The following HPGD variants were observed in gnomAD, a reference collection of about 807,000 sequenced individuals.
HPGD encodes 15-hydroxyprostaglandin dehydrogenase [NAD(+)].
A neutral mutation model predicts 30.0 loss-of-function variants in HPGD; 29 were observed. That is an observed-to-expected ratio of 0.97 (90% CI 0.72 to 1.32). The LOEUF is 1.32. Ranked by LOEUF, HPGD falls within the 40% of genes most tolerant of loss-of-function variation. HPGD has a pLI of 0.00. For missense variants in HPGD, 340 were observed against 322.1 expected, an observed-to-expected ratio of 1.06 and a Z score of -0.43; for synonymous variants, 99 against 112.4, an observed-to-expected ratio of 0.88 and a Z score of 0.75.
At position 174,492,423 on chromosome 4, in the gene HPGD, G is replaced by A. The variant is rs544792257; in HGVS notation, c.663-329C>T. ...AAATGATCATTTTCTCATCTTTATCGTATCAGTAGATCTTAGACTTACCAG... is the reference window on the plus strand; with the variant it reads ...AAATGATCATTTTCTCATCTTTATCATATCAGTAGATCTTAGACTTACCAG... On this transcript the variant is annotated intron_variant, in intron 6 of 6. Coordinates refer to ENST00000296522, the MANE Select transcript of HPGD (RefSeq NM_000860.6). The surrounding 1 kb of genome is among the most constrained non-coding windows in gnomAD (Gnocchi z 4.9). 8.6e-5 allele frequency among the ~76,000 whole-genome samples: 13 copies of A among 151,704 alleles called. No homozygotes were observed. Among genetic ancestry groups the A allele is most frequent in the South Asian group, 4.2e-4 (2 of 4,810 alleles).
chr4:174,491,308 T>A lies in HPGD; in HGVS notation c.*648A>T, dbSNP rs530374639. On this transcript the variant is annotated 3_prime_UTR_variant, in exon 7 of 7. Coordinates refer to ENST00000296522, the MANE Select transcript of HPGD (RefSeq NM_000860.6). ...TTAAAGTGAGCAGAGGAAAGAAATGTCTTTCCCAGATAGGAGGCTGAACTG... is the reference window on the plus strand; with the variant it reads ...TTAAAGTGAGCAGAGGAAAGAAATGACTTTCCCAGATAGGAGGCTGAACTG... 2.6e-3 allele frequency: 399 copies of A among 152,864 alleles called. 2 individuals are homozygous for A. Among genetic ancestry groups the A allele is most frequent in the Middle Eastern group, 6.8e-3 (2 of 296 alleles). The allele number at this position is 152,864 out of a possible 1,614,324, so 9.5% of individuals were successfully genotyped here.
intron 4 of HPGD, among the ~76,000 whole-genome samples, chr4:174,504,671 GA>G (rs2110816731): frequency 6.6e-6 from 1 of 150,678 alleles, no homozygotes; most frequent in East Asian, 1.9e-4. Flanking sequence ...AAAAAAGCCA[GA>G]CGTGGTGGTG....
chr4:174,511,371 T>A (rs45514098), intron 3 of HPGD, among the ~76,000 whole-genome samples: 9 of 152,176 alleles, frequency 5.9e-5, no homozygotes, highest in Non-Finnish European at 5.9e-5. Flanking sequence ...AGGTCTAATT[T>A]TTAACTCATG....
intron 4 of HPGD, among the ~76,000 whole-genome samples, chr4:174,499,209 T>G (rs1287801879): frequency 6.6e-6 from 1 of 152,152 alleles, no homozygotes; most frequent in Non-Finnish European, 1.5e-5. Context: ...AGGTAGTTGG[T>G]GTAAACTGTG....
intron 4 of HPGD, among the ~76,000 whole-genome samples, chr4:174,506,462 A>G (rs1735196295): frequency 6.6e-6 from 1 of 152,236 alleles, no homozygotes; most frequent in Non-Finnish European, 1.5e-5. Context: ...AGATAGATAA[A>G]TAATCTAGTG....
At chr4:174,500,472 A>C (rs925829904) in intron 4 of HPGD, among the ~76,000 whole-genome samples, 1 of 152,248 alleles carries the variant, frequency 6.6e-6, no homozygotes, top group Non-Finnish European at 1.5e-5. Flanking sequence ...AGCTTTATTA[A>C]TTGCCAAAAC....
In HPGD at chr4:174,522,387, G is replaced by T; in HGVS notation, c.65C>A (p.Ala22Glu). 6.3e-7 allele frequency: 1 copy of T among 1,577,046 alleles called. No individual in the cohort carries two copies. The highest frequency in any genetic ancestry group is 8.6e-7 in the Non-Finnish European group (1 of 1,161,788). The change falls in exon 1 of 7, where the codon GCA becomes GAA. Residue 22 changes from alanine to glutamate, a missense_variant. Transcript: ENST00000296522. ...GAAQGIGRAFAEALLLKGAKV... is the reference protein window; with the variant it reads ...GAAQGIGRAFEEALLLKGAKV... ...GGCGCCCTTAAGCAGCAGCGCCTCT[G>T]CAAAGGCTCTGCCTATGCCCTGAGC...
In HPGD at chr4:174,522,351, G is replaced by C. The variant is rs762039776; in HGVS notation, c.93+8C>G. The C allele has an allele frequency of 2.6e-6, 4 of 1,556,016 alleles. No homozygotes were observed. The highest frequency in any genetic ancestry group is 2.4e-5 in the East Asian group (1 of 41,588). ...AGAGAAATTTCCGCGGCTGGGCGCCGGGCTTACCTTGGCGCCCTTAAGCAG... is the reference window on the plus strand; with the variant it reads ...AGAGAAATTTCCGCGGCTGGGCGCCCGGCTTACCTTGGCGCCCTTAAGCAG... On this transcript the variant is annotated splice_region_variant and intron_variant, in intron 1 of 6. Transcript: ENST00000296522.
At chr4:174,517,866 T>TTGTA in intron 3 of HPGD, 105 bp downstream of exon 3, 1 of 660,436 alleles carries the variant, frequency 1.5e-6, no homozygotes. Context: ...TTTTTCAATA[T>TTGTA]TGTAGGTCAT....
At chr4:174,520,034 AT>A (rs970870620) in intron 2 of HPGD, among the ~76,000 whole-genome samples, 30 of 149,964 alleles carry the variant, frequency 2.0e-4, no homozygotes, top group African/African-American at 6.4e-4. Flanking sequence ...GTCCCCCAGT[AT>A]TTTTTTTTTC....
chr4:174,509,742 T>C (rs1227061609), intron 3 of HPGD, among the ~76,000 whole-genome samples: 1 of 152,152 alleles, frequency 6.6e-6, no homozygotes, highest in African/African-American at 2.4e-5. Flanking sequence ...ACATAAATGT[T>C]TTATCCAGTT....
intron 3 of HPGD, among the ~76,000 whole-genome samples, chr4:174,515,014 A>G (rs186182912): frequency 1.3e-5 from 2 of 152,188 alleles, no homozygotes; most frequent in South Asian, 4.1e-4. Context: ...AAGGAATCAG[A>G]GATGTCATTA....
rs919135054 is a variant in HPGD, at chr4:174,496,887, G to C, written c.422-1263C>G. On this transcript the variant is annotated intron_variant, in intron 4 of 6. Coordinates refer to ENST00000296522, the MANE Select transcript of HPGD (RefSeq NM_000860.6). This position sits in a 1 kb window ranked among gnomAD's most constrained non-coding sequence, Gnocchi z 4.6. ...CTGAGGATGGTAGATCACACCTAGT[G>C]TGTCCACCCAATGATTTCAAAGTAT... is the stretch of plus-strand genomic sequence containing the variant. 6.6e-6 allele frequency among the ~76,000 whole-genome samples: 1 copy of C among 152,198 alleles called. No homozygotes were observed. The highest frequency in any genetic ancestry group is 1.5e-5 in the Non-Finnish European group (1 of 68,016).
intron 4 of HPGD, among the ~76,000 whole-genome samples, chr4:174,497,919 C>T (rs566735449): frequency 5.9e-4 from 89 of 149,712 alleles, no homozygotes; most frequent in Middle Eastern, 3.5e-3. Context: ...CTCTTCCCCC[C>T]GCCCCATACC....
At chr4:174,513,373 T>A (rs1466444947) in intron 3 of HPGD, among the ~76,000 whole-genome samples, 1 of 152,184 alleles carries the variant, frequency 6.6e-6, no homozygotes, top group African/African-American at 2.4e-5. Flanking sequence ...TTCAAAATTT[T>A]TGTTTTATCA....
rs1734517252 is a variant in HPGD, at chr4:174,494,999, A to G, written c.498+549T>C. On this transcript the variant is annotated intron_variant, in intron 5 of 6. Transcript: ENST00000296522. This position sits in a 1 kb window ranked among gnomAD's most constrained non-coding sequence, Gnocchi z 4.9. ...GCCCCTTTCAAGCGTCTCTTTTGTG[A>G]GTTATAAAAAGGCAGGCATTCTCAC... 6.6e-6 allele frequency among the ~76,000 whole-genome samples: 1 copy of G among 152,092 alleles called. No homozygotes were observed. The highest frequency in any genetic ancestry group is 1.9e-4 in the East Asian group (1 of 5,198).
chr4:174,512,355 T>C (rs909279696), intron 3 of HPGD, among the ~76,000 whole-genome samples: 3 of 152,192 alleles, frequency 2.0e-5, no homozygotes, highest in African/African-American at 7.2e-5. Context: ...ATTTAAATAA[T>C]TCTAATAAAA....
chr4:174,510,289 G>A (rs1365608817), intron 3 of HPGD, among the ~76,000 whole-genome samples: 1 of 152,144 alleles, frequency 6.6e-6, no homozygotes, highest in African/African-American at 2.4e-5. Context: ...AGTAGGCTTA[G>A]GGAGAATGAA....
chr4:174,521,941 T>TA lies in HPGD; in HGVS notation c.217+2dup. 1 of 1,614,142 alleles carries TA rather than the reference T, an allele frequency of 6.2e-7. No individual in the cohort carries two copies. Among genetic ancestry groups the TA allele is most frequent in the Non-Finnish European group, 8.5e-7 (1 of 1,180,000 alleles). On this transcript the variant is annotated splice_region_variant and intron_variant, in intron 2 of 6. Transcript: ENST00000296522. ...AGTTGACAGATTGATTCCCCTGTCT[T>TA]ACCTCTCAGTTGTTGCTGGTCAGCC...
Sources: gnomAD v4.1 joint callset for allele counts (sites outside exome capture counted in the v4.1 genomes callset) on GRCh38, gnomAD v4.1.1 for gene constraint, Gnocchi (gnomAD v3.1) non-coding constraint, MANE v1.5 for transcripts, NCBI Gene and HGNC (gene_info 2026-07-23, HGNC 2026-07-21) for gene names.